Variants in MACROD2 observed in about 807,000 individuals in gnomAD.
MACROD2 encodes mono-ADP ribosylhydrolase 2.
In MACROD2, 36 loss-of-function variants were observed where a neutral mutation model predicts 70.4. The observed-to-expected ratio is 0.51, with a 90% confidence interval of 0.39 to 0.68. MACROD2 has a LOEUF of 0.68. MACROD2 is among the 30% of genes least tolerant of loss of function. The pLI is 0.00. For synonymous variants in MACROD2, 172 were observed against 178.8 expected (o/e 0.96, Z 0.30); for missense variants, 496 against 538.4 (o/e 0.92, Z 0.78).
At position 14,311,342 on chromosome 20, in the gene MACROD2, C is replaced by T. The variant is rs190498518; in HGVS notation, c.272-182137C>T. On this transcript the variant is annotated intron_variant, in intron 3 of 17. Transcript: ENST00000684519. ...TTACAGTATTCAGTATAGTAACATG[C>T]GGTACAGGTTTGCAGCCTAGGAGAA... 4.6e-5 allele frequency among the ~76,000 whole-genome samples: 7 copies of T among 152,218 alleles called. No individual in the cohort carries two copies. In the East Asian group the frequency reaches 9.6e-4, roughly 21 times the overall value.
intron 2 of MACROD2, among the ~76,000 whole-genome samples, chr20:14,006,435 G>A (rs1017227462): frequency 1.3e-5 from 2 of 152,078 alleles, no homozygotes; most frequent in African/African-American, 4.8e-5. Context: ...ATCTATAAAT[G>A]AGTATCTGTG....
In MACROD2 at chr20:15,710,085, C is replaced by A. The variant is rs1041089749; in HGVS notation, c.646-152660C>A. On this transcript the variant is annotated intron_variant, in intron 8 of 17. Coordinates refer to ENST00000684519, the MANE Select transcript of MACROD2 (RefSeq NM_001351661.2). Reference sequence around the variant, plus strand: ...TCAAAAGAAGACATACAGAAATGGTCAAGAAATATATTAAAAATGTTCAAC... The same window carrying A: ...TCAAAAGAAGACATACAGAAATGGTAAAGAAATATATTAAAAATGTTCAAC... Among the ~76,000 whole-genome samples, 6 of 145,170 alleles carry A rather than the reference C, an allele frequency of 4.1e-5. No individual in the cohort carries two copies. In the East Asian group the frequency reaches 8.4e-4, roughly 20 times the overall value.
At chr20:14,584,076 C>T (rs1981215111) in intron 4 of MACROD2, among the ~76,000 whole-genome samples, 1 of 152,092 alleles carries the variant, frequency 6.6e-6, no homozygotes, top group Non-Finnish European at 1.5e-5. Flanking sequence ...TTTAACTATG[C>T]CCATTACTAT....
Position 14,818,584 on chromosome 20 carries a change from G to A in MACROD2, c.418+133625G>A, listed in dbSNP as rs75266434. 2.0e-5 allele frequency among the ~76,000 whole-genome samples: 3 copies of A among 152,114 alleles called. No individual in the cohort carries two copies. In the East Asian group the frequency reaches 5.8e-4, roughly 29 times the overall value. ...CCAGGTTCACCTATGAAAGAAAATA[G>A]GGAGTCTGCCTGCCAAAATTCTAGT... On this transcript the variant is annotated intron_variant, in intron 5 of 17. Transcript: ENST00000684519.
At chr20:15,132,929 T>C (rs1414243432) in intron 5 of MACROD2, among the ~76,000 whole-genome samples, 1 of 152,080 alleles carries the variant, frequency 6.6e-6, no homozygotes, top group Non-Finnish European at 1.5e-5. Context: ...GATAATAGTA[T>C]TATTTTTTAA....
chr20:15,335,586 T>C (rs760468771), intron 6 of MACROD2, among the ~76,000 whole-genome samples: 23 of 151,732 alleles, frequency 1.5e-4, no homozygotes, highest in Non-Finnish European at 3.1e-4. Context: ...GTAAATATTA[T>C]AATAAATACA....
At chr20:14,323,921 ATAAG>A (rs1189554790) in intron 3 of MACROD2, 24 of 152,346 alleles carry the variant, frequency 1.6e-4, no homozygotes, top group African/African-American at 5.8e-4. Flanking sequence ...TATACAGTGT[ATAAG>A]TAAGAGGAAA....
intron 12 of MACROD2, among the ~76,000 whole-genome samples, chr20:15,947,256 C>T (rs765501375): frequency 6.6e-6 from 1 of 152,094 alleles, no homozygotes; most frequent in African/African-American, 2.4e-5. Flanking sequence ...AGGTGTCGGG[C>T]TGGGGGATGG....
chr20:14,721,894 C>T (rs2071474417), intron 5 of MACROD2, among the ~76,000 whole-genome samples: 1 of 152,168 alleles, frequency 6.6e-6, no homozygotes, highest in African/African-American at 2.4e-5. Context: ...TAATCCTCCC[C>T]TTCTCTTAAG....
At chr20:14,490,569 CT>C (rs1192984620) in intron 3 of MACROD2, among the ~76,000 whole-genome samples, 1 of 152,062 alleles carries the variant, frequency 6.6e-6, no homozygotes, top group African/African-American at 2.4e-5. Flanking sequence ...AATAGTCTTG[CT>C]TCATAAGCAT....
chr20:14,835,186 T>C (rs1397011203), intron 5 of MACROD2, among the ~76,000 whole-genome samples: 2 of 152,108 alleles, frequency 1.3e-5, no homozygotes, highest in Non-Finnish European at 2.9e-5. Context: ...ACTTTTTGTT[T>C]ATTACTTGCA....
At chr20:15,659,983 A>G (rs2049795594) in intron 8 of MACROD2, among the ~76,000 whole-genome samples, 1 of 151,920 alleles carries the variant, frequency 6.6e-6, no homozygotes, top group Admixed American at 6.6e-5. Context: ...ATTACTGTCT[A>G]CCACCCCCAC....
chr20:15,257,872 G>A (rs1163596218), intron 6 of MACROD2, among the ~76,000 whole-genome samples: 6 of 151,958 alleles, frequency 3.9e-5, no homozygotes, highest in Non-Finnish European at 7.4e-5. Flanking sequence ...CCAGAAGAAG[G>A]CACTGTTATC....
intron 12 of MACROD2, among the ~76,000 whole-genome samples, chr20:15,942,380 T>C (rs986477611): frequency 1.3e-5 from 2 of 152,270 alleles, no homozygotes; most frequent in South Asian, 4.1e-4. Context: ...ATGCCAAAGA[T>C]TTGGCAACCA....
chr20:14,358,897 T>C (rs1041041194), intron 3 of MACROD2, among the ~76,000 whole-genome samples: 6 of 152,066 alleles, frequency 3.9e-5, no homozygotes, highest in African/African-American at 1.4e-4. Context: ...TTGAAAAAAT[T>C]GTAGTGAGGC....
At chr20:14,003,772 A>T in intron 2 of MACROD2, 1 of 385,214 alleles carries the variant, frequency 2.6e-6, no homozygotes, top group Non-Finnish European at 4.9e-6. Context: ...AAAATCTTGT[A>T]CAAAGGTTAA....
intron 3 of MACROD2, among the ~76,000 whole-genome samples, chr20:14,227,611 C>A (rs1345412009): frequency 6.6e-6 from 1 of 152,238 alleles, no homozygotes; most frequent in Non-Finnish European, 1.5e-5. Context: ...AAACTCCGGA[C>A]ACGCTGCCTT....
chr20:15,300,815 A>G (rs1393801580), intron 6 of MACROD2, among the ~76,000 whole-genome samples: 1 of 152,230 alleles, frequency 6.6e-6, no homozygotes, highest in Non-Finnish European at 1.5e-5. Context: ...ATTCTGGATC[A>G]AAGTGAACAC....
At chr20:14,451,469 C>A (rs886992889) in intron 3 of MACROD2, among the ~76,000 whole-genome samples, 1 of 152,054 alleles carries the variant, frequency 6.6e-6, no homozygotes, top group Non-Finnish European at 1.5e-5. Context: ...AAGTGTGTTA[C>A]CCCAAGCATG....
Sources: gnomAD v4.1 joint callset for allele counts (sites outside exome capture counted in the v4.1 genomes callset) on GRCh38, gnomAD v4.1.1 for gene constraint, MANE v1.5 for transcripts, NCBI Gene and HGNC (gene_info 2026-07-23, HGNC 2026-07-21) for gene names.